The following EHBP1 variants were observed in gnomAD, a reference collection of about 807,000 sequenced individuals.
EHBP1 encodes the protein EH domain binding protein 1.
A neutral mutation model predicts 144.0 loss-of-function variants in EHBP1; 55 were observed. The observed-to-expected ratio is 0.38, with a 90% confidence interval of 0.31 to 0.48. The LOEUF is 0.48. EHBP1 is among the 20% of genes least tolerant of loss of function. EHBP1 has a pLI of 0.98. For synonymous variants in EHBP1, 469 were observed against 472.7 expected, an observed-to-expected ratio of 0.99 and a Z score of 0.10; for missense variants, 1,200 against 1,364.2, an observed-to-expected ratio of 0.88 and a Z score of 1.90.
chr2:63,019,479 C>T (rs949473147), intron 19 of EHBP1, among the ~76,000 whole-genome samples: 19 of 152,092 alleles, frequency 1.2e-4, no homozygotes, highest in African/African-American at 2.4e-4. Flanking sequence ...GAGGCCCAGG[C>T]GGGCAGATCA....
intron 15 of EHBP1, among the ~76,000 whole-genome samples, chr2:62,981,308 A>C (rs184180421): frequency 1.1e-3 from 175 of 152,268 alleles, no homozygotes; most frequent in African/African-American, 4.2e-3. Context: ...AAATCTTAAT[A>C]AATCTTTGCC....
At chr2:62,720,710 A>T (rs900555846) in intron 2 of EHBP1, among the ~76,000 whole-genome samples, 1 of 152,216 alleles carries the variant, frequency 6.6e-6, no homozygotes, top group South Asian at 2.1e-4. Context: ...CTTACAGAAG[A>T]GTTGCAAAGA....
chr2:62,866,570 G>A (rs1460300439), intron 9 of EHBP1, among the ~76,000 whole-genome samples: 1 of 152,134 alleles, frequency 6.6e-6, no homozygotes, highest in Non-Finnish European at 1.5e-5. Context: ...TTATAGAGAT[G>A]AGATTTTTCA....
chr2:62,999,190 C>G (rs1182756837), intron 19 of EHBP1, among the ~76,000 whole-genome samples: 3 of 151,926 alleles, frequency 2.0e-5, no homozygotes. Flanking sequence ...CGGCTTGAAC[C>G]CAGGTTTTCA....
At chr2:62,981,069 CAAA>C (rs754301803) in intron 15 of EHBP1, among the ~76,000 whole-genome samples, 3 of 48,284 alleles carry the variant, frequency 6.2e-5, no homozygotes, top group African/African-American at 7.3e-5. Flanking sequence ...GATGCTGTCT[CAAA>C]AAAAAAAAAA....
At chr2:63,021,830 G>C (rs887819130) in intron 19 of EHBP1, among the ~76,000 whole-genome samples, 1 of 151,474 alleles carries the variant, frequency 6.6e-6, no homozygotes, top group Non-Finnish European at 1.5e-5. Context: ...GTAGTGGCTC[G>C]ATATCTGCTC....
At chr2:62,804,104 G>A (rs1342254671) in intron 5 of EHBP1, among the ~76,000 whole-genome samples, 1 of 152,120 alleles carries the variant, frequency 6.6e-6, no homozygotes, top group African/African-American at 2.4e-5. Flanking sequence ...ATTTAGGAAG[G>A]TCTTCTGTGC....
chr2:62,942,855 A>G lies in EHBP1; in HGVS notation c.1323A>G (p.Leu441=). Reference sequence around the variant, plus strand: ...TTACTACATCGTGGAGAAATGGTTTATCTTTTTGTGCAATATTACACCACT... The same window carrying G: ...TTACTACATCGTGGAGAAATGGTTTGTCTTTTTGTGCAATATTACACCACT... ...TNFTTSWRNG[L]SFCAILHHFR... Residue 441 remains leucine (L), a synonymous_variant, in exon 11 of 23, where the codon TTA becomes TTG. Transcript: ENST00000431489. 6.2e-7 allele frequency: 1 copy of G among 1,613,782 alleles called. No individual in the cohort carries two copies. Among genetic ancestry groups the G allele is most frequent in the Non-Finnish European group, 8.5e-7 (1 of 1,179,756 alleles).
intron 7 of EHBP1, among the ~76,000 whole-genome samples, chr2:62,858,089 C>T (rs1419855177): frequency 3.3e-5 from 5 of 152,072 alleles, no homozygotes; most frequent in Non-Finnish European, 5.9e-5. Flanking sequence ...TAAAGCACAG[C>T]TCTATTTTGT....
Position 63,045,119 on chromosome 2 carries a change from C to G in EHBP1, c.3331C>G (p.Leu1111Val), listed in dbSNP as rs1470952220. The change falls in exon 22 of 23, where the codon CTG becomes GTG. Residue 1111 changes from leucine to valine, a missense_variant. Leu to Val is a conservative substitution (Grantham distance 32, BLOSUM62 1). Transcript: ENST00000431489. This position sits in a 1 kb window ranked among gnomAD's most constrained non-coding sequence, Gnocchi z 5.7. ...ACGCGAACAGCTTCTGCTAGATGAG[C>G]TGGTGGCCCTGGTGAACAAGCGCGA... ...KRREQLLLDE[L>V]VALVNKRDAL... 1 of 1,595,206 alleles carries G rather than the reference C, an allele frequency of 6.3e-7. No homozygotes were observed. Among genetic ancestry groups the G allele is most frequent in the East Asian group, 2.3e-5 (1 of 43,940 alleles).
chr2:63,039,917 A>G (rs925003012), intron 21 of EHBP1, among the ~76,000 whole-genome samples: 7 of 152,068 alleles, frequency 4.6e-5, no homozygotes, highest in Admixed American at 1.3e-4. Flanking sequence ...CAGTTAGCCA[A>G]TTTCCTTCAA....
At position 63,045,007 on chromosome 2, in the gene EHBP1, C is replaced by T. The variant is rs767233556; in HGVS notation, c.3278-59C>T. 4.1e-6 allele frequency: 5 copies of T among 1,226,672 alleles called. No homozygotes were observed. In the Admixed American group the frequency reaches 8.8e-5, roughly 22 times the overall value. The allele number at this position is 1,226,672 out of a possible 1,614,324, so 76.0% of individuals were successfully genotyped here. ...ACTGGAAAAGGCGGGAAGGGGAGGGCGGGGGGCCGGGTGTTCGGAGGCCCT... is the reference window on the plus strand; with the variant it reads ...ACTGGAAAAGGCGGGAAGGGGAGGGTGGGGGGCCGGGTGTTCGGAGGCCCT... On this transcript the variant is annotated intron_variant, in intron 21 of 22. Transcript: ENST00000431489. This position sits in a 1 kb window ranked among gnomAD's most constrained non-coding sequence, Gnocchi z 5.7.
intron 10 of EHBP1, among the ~76,000 whole-genome samples, chr2:62,905,865 G>A (rs1558890454): frequency 6.6e-6 from 1 of 152,084 alleles, no homozygotes; most frequent in African/African-American, 2.4e-5. Context: ...GCAGGAGGAA[G>A]CAGGAGTAAA....
chr2:62,925,760 A>G (rs1218928559), intron 10 of EHBP1, among the ~76,000 whole-genome samples: 1 of 152,176 alleles, frequency 6.6e-6, no homozygotes, highest in Non-Finnish European at 1.5e-5. Context: ...ATTGAAGAGG[A>G]TACACAAAAA....
intron 10 of EHBP1, among the ~76,000 whole-genome samples, chr2:62,901,964 CAA>C (rs879625156): frequency 1.4e-4 from 15 of 108,978 alleles, no homozygotes; most frequent in Admixed American, 2.0e-4. Flanking sequence ...AACGCTGTCT[CAA>C]AAAAAAAAAA....
Position 62,874,521 on chromosome 2 carries a change from ACTT to A in EHBP1, c.1177_1179del (p.Ser393del). On this transcript the variant is annotated inframe_deletion, in exon 10 of 23. Transcript: ENST00000431489. Reference sequence around the variant, plus strand: ...AGTTTCTGCAGGAAAAGATCTCTCTACTTCTCCTAAGGTAGGATTTTATTCATA... The same window carrying A: ...AGTTTCTGCAGGAAAAGATCTCTCTACTCCTAAGGTAGGATTTTATTCATA... The A allele has an allele frequency of 6.3e-7, 1 of 1,599,080 alleles. No individual in the cohort carries two copies. Among genetic ancestry groups the A allele is most frequent in the Non-Finnish European group, 8.5e-7 (1 of 1,173,464 alleles).
chr2:62,795,782 T>C (rs146325243), intron 5 of EHBP1, among the ~76,000 whole-genome samples: 1 of 152,222 alleles, frequency 6.6e-6, no homozygotes, highest in African/African-American at 2.4e-5. Context: ...TTTGTTTTGT[T>C]TTAATTTTCC....
chr2:63,016,593 A>G (rs923944588), intron 19 of EHBP1, among the ~76,000 whole-genome samples: 2 of 151,600 alleles, frequency 1.3e-5, no homozygotes, highest in Non-Finnish European at 2.9e-5. Context: ...ACCACGCCCG[A>G]CTAATTTTTG....
intron 9 of EHBP1, 92 bp downstream of exon 9, chr2:62,865,063 C>A: frequency 7.4e-7 from 1 of 1,348,218 alleles, no homozygotes; most frequent in South Asian, 1.4e-5. Context: ...GGGTACAAAT[C>A]ATTAATGTAC....
Sources: gnomAD v4.1 joint callset for allele counts (sites outside exome capture counted in the v4.1 genomes callset) on GRCh38, gnomAD v4.1.1 for gene constraint, Gnocchi (gnomAD v3.1) non-coding constraint, MANE v1.5 for transcripts, NCBI Gene and HGNC (gene_info 2026-07-23, HGNC 2026-07-21) for gene names.